Variants in GRM8 observed in about 807,000 individuals in gnomAD.
GRM8 encodes metabotropic glutamate receptor 8.
A neutral mutation model predicts 87.2 loss-of-function variants in GRM8; 47 were observed. The observed-to-expected ratio is 0.54, with a 90% CI of 0.43 to 0.69. GRM8 has a LOEUF of 0.69. Ranked by LOEUF, GRM8 falls within the 30% of genes least tolerant of loss-of-function variation. The pLI, the probability that GRM8 is intolerant of heterozygous loss-of-function variation, is 0.00. For missense variants in GRM8, 1,019 were observed against 1,139.2 expected (o/e 0.89, Z 1.52); for synonymous variants, 396 against 404.5 (o/e 0.98, Z 0.25).
At chr7:127,188,532 A>G (rs1161862465) in intron 2 of GRM8, among the ~76,000 whole-genome samples, 1 of 152,200 alleles carries the variant, frequency 6.6e-6, no homozygotes, top group East Asian at 1.9e-4. Context: ...CACCTTGAAA[A>G]AAACCATCTT....
At chr7:127,204,275 T>G (rs1239815243) in intron 2 of GRM8, among the ~76,000 whole-genome samples, 1 of 152,228 alleles carries the variant, frequency 6.6e-6, no homozygotes, top group Non-Finnish European at 1.5e-5. Context: ...ATCTAACTTT[T>G]GCCTTCGGAT....
In GRM8 at chr7:126,813,070, T is replaced by C. The variant is rs147574996; in HGVS notation, c.1157-43005A>G. On this transcript the variant is annotated intron_variant, in intron 6 of 10. Coordinates refer to ENST00000339582, the MANE Select transcript of GRM8 (RefSeq NM_000845.3). ...AAAAATAACTAAAGGGAACTAAGCT[T>C]AATACCTGGGTGATGAAATAATCTG... Among the ~76,000 whole-genome samples, 215 of 152,128 alleles carry C rather than the reference T, an allele frequency of 1.4e-3. 1 individual carries two copies. The highest frequency in any genetic ancestry group is 0.011 in the Admixed American group (173 of 15,260).
intron 1 of GRM8, among the ~76,000 whole-genome samples, chr7:127,244,791 A>C (rs1798498748): frequency 6.6e-6 from 1 of 152,188 alleles, no homozygotes; most frequent in Non-Finnish European, 1.5e-5. Flanking sequence ...AACACCTTCA[A>C]AGAAAGCTGC....
intron 8 of GRM8, among the ~76,000 whole-genome samples, chr7:126,599,380 T>C (rs1797513954): frequency 6.6e-6 from 1 of 152,148 alleles, no homozygotes; most frequent in Admixed American, 6.6e-5. Context: ...TCCTCGGTTA[T>C]ACATTATCTC....
chr7:126,532,573 T>C (rs1814978879), intron 9 of GRM8, among the ~76,000 whole-genome samples: 1 of 151,982 alleles, frequency 6.6e-6, no homozygotes, highest in African/African-American at 2.4e-5. Flanking sequence ...CCTTTCTTCC[T>C]CCTTCTTTTA....
chr7:127,176,048 G>A (rs1489902202), intron 2 of GRM8, among the ~76,000 whole-genome samples: 1 of 152,200 alleles, frequency 6.6e-6, no homozygotes, highest in Non-Finnish European at 1.5e-5. Context: ...ACAGATAGGA[G>A]GGAGAAATGA....
intron 3 of GRM8, among the ~76,000 whole-genome samples, chr7:127,032,551 G>C (rs751397090): frequency 2.6e-5 from 4 of 152,112 alleles, no homozygotes; most frequent in Admixed American, 6.6e-5. Flanking sequence ...TTGAAGCCCT[G>C]TACTTTGTAA....
At position 127,252,838 on chromosome 7, in the gene GRM8, G is replaced by T. The variant is rs1293041884; in HGVS notation, c.-353C>A. 1.4e-5 allele frequency: 3 copies of T among 211,382 alleles called. No homozygotes were observed. Among genetic ancestry groups the T allele is most frequent in the African/African-American group, 2.4e-5 (1 of 41,888 alleles). The allele number at this position is 211,382 out of a possible 1,614,324, so 13.1% of individuals were successfully genotyped here. A position where few individuals can be genotyped will look rare whatever the true frequency, so the allele number is the denominator to read the frequency against. On this transcript the variant is annotated 5_prime_UTR_variant, in exon 1 of 11. Transcript: ENST00000339582. This position sits in a 1 kb window ranked among gnomAD's most constrained non-coding sequence, Gnocchi z 4.9. ...GGCGCGGTGAGGAAGCCCGCCGGGG[G>T]CCCGCAGCTCCATGTCAGCGCCGCC...
intron 6 of GRM8, among the ~76,000 whole-genome samples, chr7:126,782,500 TA>T (rs1820191858): frequency 6.6e-6 from 1 of 152,172 alleles, no homozygotes; most frequent in African/African-American, 2.4e-5. Context: ...CATGAGGAAT[TA>T]AAAGCATTGA....
chr7:126,441,390 C>A (rs1307641692), intron 10 of GRM8, among the ~76,000 whole-genome samples: 1 of 151,974 alleles, frequency 6.6e-6, no homozygotes, highest in African/African-American at 2.4e-5. Flanking sequence ...GATATTATGC[C>A]AAATTTATAC....
rs1193562996 is a variant in GRM8 at position 127,017,391 on chromosome 7, A to G, written c.727+89105T>C. Among the ~76,000 whole-genome samples the G allele has an allele frequency of 2.6e-5, 4 of 151,954 alleles. No individual in the cohort carries two copies. In the East Asian group the frequency reaches 7.7e-4, roughly 29 times the overall value. ...TTCACCCTTGATCTTGCCATCCCAC[A>G]TGTACCAGCACCCACAACCCTACAC... On this transcript the variant is annotated intron_variant, in intron 3 of 10. Coordinates refer to ENST00000339582, the MANE Select transcript of GRM8 (RefSeq NM_000845.3).
chr7:126,745,200 A>G (rs1815504933), intron 7 of GRM8, among the ~76,000 whole-genome samples: 1 of 151,550 alleles, frequency 6.6e-6, no homozygotes, highest in South Asian at 2.1e-4. Context: ...AAAAAAGATC[A>G]TTTCTCTGGC....
intron 6 of GRM8, among the ~76,000 whole-genome samples, chr7:126,878,519 C>CT (rs35669727): frequency 0.22 from 28,716 of 130,976 alleles, 3,792 homozygotes; most frequent in East Asian, 0.51. Flanking sequence ...TCGTCTTCTT[C>CT]TTTTTTTTTT....
intron 6 of GRM8, among the ~76,000 whole-genome samples, chr7:126,852,565 T>C (rs907735127): frequency 1.3e-5 from 2 of 152,198 alleles, no homozygotes; most frequent in Non-Finnish European, 2.9e-5. Context: ...AATAGGTTTA[T>C]AGAACTGAAC....
chr7:126,788,420 A>AAACAAAAAAAAACAAAAAACAAAAAAC, intron 6 of GRM8, among the ~76,000 whole-genome samples: 1 of 81,134 alleles, frequency 1.2e-5, no homozygotes, highest in Non-Finnish European at 2.3e-5. Flanking sequence ...AAAAAAAAAA[A>AAACAAAAAAAAACAAAAAACAAAAAAC]AAACCCTTTC....
chr7:126,601,470 T>C (rs1025426211), intron 8 of GRM8, among the ~76,000 whole-genome samples: 2 of 152,174 alleles, frequency 1.3e-5, no homozygotes, highest in Middle Eastern at 3.2e-3. Context: ...CTGGGTCAAA[T>C]GGTACTTCTA....
At chr7:126,758,897 C>CT (rs936357821) in intron 7 of GRM8, among the ~76,000 whole-genome samples, 6 of 151,210 alleles carry the variant, frequency 4.0e-5, no homozygotes, top group Non-Finnish European at 8.9e-5. Flanking sequence ...CTTTCTTTTC[C>CT]TTTTTTCTTT....
intron 7 of GRM8, among the ~76,000 whole-genome samples, chr7:126,617,928 A>G (rs936650763): frequency 3.3e-5 from 5 of 152,224 alleles, no homozygotes; most frequent in African/African-American, 4.8e-5. Flanking sequence ...GGAAGAAAAT[A>G]TCATGAAAAT....
intron 7 of GRM8, among the ~76,000 whole-genome samples, chr7:126,716,293 G>A (rs10232001): frequency 0.47 from 70,569 of 150,964 alleles, 17,653 homozygotes; most frequent in African/African-American, 0.65. Context: ...GGCCTAATTT[G>A]AGACTCATGT....
Sources: gnomAD v4.1 joint callset for allele counts (sites outside exome capture counted in the v4.1 genomes callset) on GRCh38, gnomAD v4.1.1 for gene constraint, Gnocchi (gnomAD v3.1) non-coding constraint, MANE v1.5 for transcripts, NCBI Gene and HGNC (gene_info 2026-07-23, HGNC 2026-07-21) for gene names.